GCH1: variants seen among roughly 807,000 people sequenced by gnomAD.
GCH1 encodes the protein GTP cyclohydrolase I.
In GCH1, 5 loss-of-function variants were observed where a neutral mutation model predicts 25.9. The ratio of observed to expected loss-of-function variants is 0.19; its 90% CI spans 0.10 to 0.41. The LOEUF (loss-of-function observed/expected upper bound fraction) is 0.41. Ranked by LOEUF, GCH1 falls within the 10% of genes least tolerant of loss-of-function variation. The pLI is 1.00. For missense variants in GCH1, 261 were observed against 336.5 expected (o/e 0.78, Z 1.75); for synonymous variants, 159 against 129.6 (o/e 1.23, Z -1.54).
At chr14:54,898,592 T>C (rs1266991183) in intron 1 of GCH1, among the ~76,000 whole-genome samples, 1 of 152,196 alleles carries the variant, frequency 6.6e-6, no homozygotes, top group Non-Finnish European at 1.5e-5. Flanking sequence ...TATACCTTTT[T>C]CTATTTTTAA....
At chr14:54,897,294 CT>C (rs905233848) in intron 1 of GCH1, among the ~76,000 whole-genome samples, 3 of 137,924 alleles carry the variant, frequency 2.2e-5, no homozygotes, top group African/African-American at 2.9e-5. Flanking sequence ...CCTCTACTCA[CT>C]TTTTTTTTCT....
At chr14:54,875,133 C>G (rs1477899302) in intron 1 of GCH1, among the ~76,000 whole-genome samples, 1 of 152,056 alleles carries the variant, frequency 6.6e-6, no homozygotes, top group Non-Finnish European at 1.5e-5. Context: ...AGATATAGAC[C>G]AATGGAACAG....
chr14:54,880,518 C>CAT (rs200255096), intron 1 of GCH1, among the ~76,000 whole-genome samples: 12 of 29,058 alleles, frequency 4.1e-4, no homozygotes, highest in East Asian at 1.3e-3. Flanking sequence ...ATATATACTC[C>CAT]ATATATATAT....
intron 1 of GCH1, among the ~76,000 whole-genome samples, chr14:54,868,764 C>A (rs1300435412): frequency 1.3e-5 from 2 of 151,396 alleles, no homozygotes; most frequent in African/African-American, 4.9e-5. Context: ...ACCACCCCAG[C>A]TAATTTTTTG....
intron 3 of GCH1, among the ~76,000 whole-genome samples, chr14:54,856,165 C>T (rs761648388): frequency 9.9e-5 from 15 of 152,180 alleles, no homozygotes; most frequent in Non-Finnish European, 1.9e-4. Context: ...ATTAACTATA[C>T]CTAGAGAAAC....
chr14:54,902,695 G>T lies in GCH1; in HGVS notation c.-32C>A. ...GCCGCAGCCGCTGCCGTTCGGGAAG[G>T]ACCCCGGGGCGCTTCGAGGTCTGCG... On this transcript the variant is annotated 5_prime_UTR_variant, in exon 1 of 6. Transcript: ENST00000491895. 7.0e-7 allele frequency: 1 copy of T among 1,425,436 alleles called. No homozygotes were observed. Among genetic ancestry groups the T allele is most frequent in the South Asian group, 1.4e-5 (1 of 69,038 alleles). 88.3% of individuals were successfully genotyped at this position (1,425,436 alleles called of 1,614,324 possible).
chr14:54,891,868 A>C (rs1202696852), intron 1 of GCH1, among the ~76,000 whole-genome samples: 1 of 152,154 alleles, frequency 6.6e-6, no homozygotes, highest in Admixed American at 6.5e-5. Flanking sequence ...TGATCAAATC[A>C]ACCTTCAGTT....
intron 1 of GCH1, among the ~76,000 whole-genome samples, chr14:54,895,856 G>C (rs969656645): frequency 2.0e-4 from 31 of 152,152 alleles, no homozygotes; most frequent in African/African-American, 7.5e-4. Context: ...AGTCCAGTAG[G>C]GAATAGTACT....
At chr14:54,881,649 C>CTGCTG (rs2040274211) in intron 1 of GCH1, among the ~76,000 whole-genome samples, 2 of 152,214 alleles carry the variant, frequency 1.3e-5, no homozygotes, top group South Asian at 4.1e-4. Context: ...GTCACACCAT[C>CTGCTG]TGCTGGAGTG....
At chr14:54,848,939 T>G (rs533204665) in intron 3 of GCH1, among the ~76,000 whole-genome samples, 1 of 152,246 alleles carries the variant, frequency 6.6e-6, no homozygotes, top group Non-Finnish European at 1.5e-5. Flanking sequence ...TAGTTTGTTA[T>G]ATATGTAGGA....
chr14:54,902,677 C>T lies in GCH1; in HGVS notation c.-14G>A. On this transcript the variant is annotated 5_prime_UTR_variant, in exon 1 of 6. Transcript: ENST00000491895. ...GCCCTTCTCCATGGACCCGCCGCAGCCGCTGCCGTTCGGGAAGGACCCCGG... is the reference window on the plus strand; with the variant it reads ...GCCCTTCTCCATGGACCCGCCGCAGTCGCTGCCGTTCGGGAAGGACCCCGG... 1 of 1,439,504 alleles carries T rather than the reference C, an allele frequency of 6.9e-7. No individual in the cohort carries two copies. Among genetic ancestry groups the T allele is most frequent in the Non-Finnish European group, 9.1e-7 (1 of 1,102,980 alleles). 89.2% of individuals were successfully genotyped at this position (1,439,504 alleles called of 1,614,324 possible). A position where few individuals can be genotyped will look rare whatever the true frequency, so the allele number is the denominator to read the frequency against.
chr14:54,901,501 G>A (rs538926675), intron 1 of GCH1, among the ~76,000 whole-genome samples: 163 of 152,180 alleles, frequency 1.1e-3, no homozygotes, highest in Non-Finnish European at 2.1e-3. Flanking sequence ...AAGCCGACAC[G>A]CCTCAGACGC....
At chr14:54,865,480 A>C in intron 1 of GCH1, 44 bp from the exon 2 acceptor site, 2 of 915,320 alleles carry the variant, frequency 2.2e-6, no homozygotes, top group Non-Finnish European at 1.8e-6. Context: ...AATTTTATAG[A>C]AAGGTAGAAT....
intron 1 of GCH1, among the ~76,000 whole-genome samples, chr14:54,888,803 A>G (rs1025723319): frequency 2.0e-5 from 3 of 151,906 alleles, no homozygotes; most frequent in Non-Finnish European, 4.4e-5. Flanking sequence ...GATTACAGGC[A>G]TGAGCCACTG....
At chr14:54,871,117 C>T (rs558222104) in intron 1 of GCH1, among the ~76,000 whole-genome samples, 7 of 152,334 alleles carry the variant, frequency 4.6e-5, no homozygotes, top group Admixed American at 3.3e-4. Flanking sequence ...CAGACTGACA[C>T]CTCACACAGC....
intron 1 of GCH1, among the ~76,000 whole-genome samples, chr14:54,874,176 G>A (rs914354580): frequency 2.6e-5 from 4 of 152,160 alleles, no homozygotes; most frequent in African/African-American, 9.7e-5. Flanking sequence ...TGGGATGCAA[G>A]GCTGGTTCAA....
intron 1 of GCH1, chr14:54,885,096 G>T: frequency 3.3e-6 from 1 of 306,300 alleles, no homozygotes; most frequent in Non-Finnish European, 6.5e-6. Context: ...GTCATCTGTT[G>T]TCCTGGATGT....
chr14:54,895,956 T>A (rs963334508), intron 1 of GCH1, among the ~76,000 whole-genome samples: 2 of 152,068 alleles, frequency 1.3e-5, no homozygotes, highest in African/African-American at 4.8e-5. Flanking sequence ...AGGGAAAAGG[T>A]GCACAAGGAG....
chr14:54,880,740 CATATATATATACTCCAT>C (rs1566677191), intron 1 of GCH1, among the ~76,000 whole-genome samples: 12 of 39,206 alleles, frequency 3.1e-4, no homozygotes, highest in East Asian at 8.9e-4. Context: ...ATATATACTC[CATATATATATACTCCAT>C]ATATATATAT....
Sources: gnomAD v4.1 joint callset for allele counts (sites outside exome capture counted in the v4.1 genomes callset) on GRCh38, gnomAD v4.1.1 for gene constraint, MANE v1.5 for transcripts, NCBI Gene and HGNC (gene_info 2026-07-23, HGNC 2026-07-21) for gene names.